Variants in PKD1L1 observed in about 807,000 individuals in gnomAD.
The protein encoded by PKD1L1 is polycystin-1-like protein 1.
In PKD1L1, 236 loss-of-function variants were observed where a neutral mutation model predicts 323.4. The ratio of observed to expected loss-of-function variants is 0.73; its 90% CI spans 0.66 to 0.81. The LOEUF (loss-of-function observed/expected upper bound fraction) is 0.81, where lower values mean the gene tolerates loss of function less well. PKD1L1 is among the 40% of genes least tolerant of loss of function. PKD1L1 has a pLI of 0.00. For synonymous variants in PKD1L1, 1,344 were observed against 1,335.0 expected, an observed-to-expected ratio of 1.01 and a Z score of -0.15; for missense variants, 3,320 against 3,508.0, an observed-to-expected ratio of 0.95 and a Z score of 1.35.
intron 23 of PKD1L1, among the ~76,000 whole-genome samples, chr7:47,874,678 C>T (rs939362408): frequency 2.6e-5 from 4 of 152,058 alleles, no homozygotes; most frequent in Non-Finnish European, 2.9e-5. Flanking sequence ...AACAAATACC[C>T]TTAACAGATA....
intron 7 of PKD1L1, among the ~76,000 whole-genome samples, chr7:47,923,864 T>C (rs959296489): frequency 6.6e-6 from 1 of 152,060 alleles, no homozygotes. Context: ...CACATGAGAT[T>C]TGGAGTTCTA....
At chr7:47,799,634 G>A (rs756210774) in intron 54 of PKD1L1, among the ~76,000 whole-genome samples, 8 of 152,148 alleles carry the variant, frequency 5.3e-5, no homozygotes, top group Non-Finnish European at 8.8e-5. Flanking sequence ...GGGGAGAATC[G>A]GTGCTGGGAG....
chr7:47,819,783 G>T, intron 46 of PKD1L1: 1 of 279,212 alleles, frequency 3.6e-6, no homozygotes, highest in Non-Finnish European at 6.9e-6. Context: ...ATCTTGCTGC[G>T]TATGAATAAC....
rs572041961 is a variant in PKD1L1 at position 47,929,042 on chromosome 7, C to T, written c.1060+162G>A. The stretch of plus-strand genomic sequence containing the variant: ...AAAACACAGTGCACAAACCCACCTA[C>T]GTCCGCAGTGTGCCACTGAGCTACT... On this transcript the variant is annotated intron_variant, in intron 7 of 56. Coordinates refer to ENST00000289672, the MANE Select transcript of PKD1L1 (RefSeq NM_138295.5). Among the ~76,000 whole-genome samples the T allele has an allele frequency of 9.2e-5, 14 of 152,270 alleles. 1 individual carries two copies. In the South Asian group the frequency reaches 2.7e-3, roughly 29 times the overall value.
At chr7:47,847,815 TAAG>T (rs1476551305) in intron 31 of PKD1L1, among the ~76,000 whole-genome samples, 1 of 152,102 alleles carries the variant, frequency 6.6e-6, no homozygotes, top group Admixed American at 6.6e-5. Flanking sequence ...AATCTGGACA[TAAG>T]AAATAAATTT....
chr7:47,801,528 A>G (rs1211105440), intron 53 of PKD1L1, among the ~76,000 whole-genome samples: 1 of 152,120 alleles, frequency 6.6e-6, no homozygotes, highest in Admixed American at 6.5e-5. Flanking sequence ...ATAGGTCCAC[A>G]TGGGGCTGTG....
chr7:47,948,212 C>T (rs1220605338), intron 1 of PKD1L1, among the ~76,000 whole-genome samples, 185 bp downstream of exon 1: 1 of 152,190 alleles, frequency 6.6e-6, no homozygotes, highest in East Asian at 1.9e-4. Flanking sequence ...GAAAAAACTC[C>T]ATTCTCAACA....
intron 27 of PKD1L1, 97 bp from the exon 28 acceptor site, chr7:47,857,929 C>A (rs755592912): frequency 7.5e-6 from 9 of 1,204,376 alleles, no homozygotes; most frequent in African/African-American, 1.5e-5. Flanking sequence ...AGTTAAAAAG[C>A]CCATCTCAAG....
At chr7:47,958,891 G>A in the PKD1L1 span, among the ~76,000 whole-genome samples, 2 of 152,082 alleles carry the variant, frequency 1.3e-5, no homozygotes, top group Non-Finnish European at 2.9e-5. Context: ...GGACTGTACT[G>A]CTGCCATCTC....
chr7:47,803,255 G>A lies in PKD1L1; in HGVS notation c.7917C>T (p.Cys2639=). The change falls in exon 53 of 57, where the codon TGC becomes TGT. Residue 2639 remains cysteine (C), a synonymous_variant. Transcript: ENST00000289672. ...LPGIQNTMAS[C]SSMMRHSLPS... The stretch of plus-strand genomic sequence containing the variant: ...GGAGTGAGTGGCGCATCATGGAGGA[G>A]CAGGATGCCATTGTGTTTTGAATGC... 6.2e-7 allele frequency: 1 copy of A among 1,614,124 alleles called. No homozygotes were observed. Among genetic ancestry groups the A allele is most frequent in the South Asian group, 1.1e-5 (1 of 91,074 alleles).
chr7:47,923,102 G>A (rs10281977), intron 7 of PKD1L1, among the ~76,000 whole-genome samples: 107,090 of 151,952 alleles, frequency 0.7, 38,781 homozygotes, highest in African/African-American at 0.88. Flanking sequence ...GCAGTGCAAG[G>A]TGTGCTTTGT....
At chr7:47,957,863 ATATAT>A in the PKD1L1 span, among the ~76,000 whole-genome samples, 2 of 133,768 alleles carry the variant, frequency 1.5e-5, no homozygotes, top group African/African-American at 5.2e-5. Context: ...TTAAAAAAAA[ATATAT>A]ATATATATAT....
intron 45 of PKD1L1, among the ~76,000 whole-genome samples, chr7:47,822,115 G>A (rs538220448): frequency 6.6e-5 from 10 of 152,162 alleles, no homozygotes; most frequent in South Asian, 2.1e-4. Context: ...ATTGATTTGC[G>A]TGTCTATCTG....
intron 15 of PKD1L1, among the ~76,000 whole-genome samples, chr7:47,893,103 AT>A (rs1786857065): frequency 6.6e-6 from 1 of 151,832 alleles, no homozygotes. Flanking sequence ...GGTGGCGCGC[AT>A]CTGTAGTCTC....
intron 14 of PKD1L1, 139 bp from the exon 15 acceptor site, chr7:47,894,198 A>C: frequency 1.4e-6 from 1 of 700,046 alleles, no homozygotes; most frequent in Non-Finnish European, 2.3e-6. Context: ...CAGTCTTGGT[A>C]GTCAAAATAA....
At chr7:47,789,576 T>C (rs1379074411) in intron 56 of PKD1L1, among the ~76,000 whole-genome samples, 2 of 152,180 alleles carry the variant, frequency 1.3e-5, no homozygotes, top group East Asian at 1.9e-4. Context: ...GTGTGTATAT[T>C]TGTGTGTGTT....
intron 3 of PKD1L1, among the ~76,000 whole-genome samples, chr7:47,937,728 T>C (rs2686824): frequency 0.81 from 122,772 of 152,044 alleles, 50,303 homozygotes; most frequent in East Asian, 1. Flanking sequence ...GGACTGGAAG[T>C]GAGATGGAGC....
intron 7 of PKD1L1, among the ~76,000 whole-genome samples, chr7:47,917,862 C>T (rs1037925178): frequency 1.3e-5 from 2 of 152,030 alleles, no homozygotes; most frequent in African/African-American, 4.8e-5. Context: ...CAAAATAGAA[C>T]CTCTTTAAAG....
chr7:47,811,868 G>T lies in PKD1L1; in HGVS notation c.7530C>A (p.Phe2510Leu). 6.2e-7 allele frequency: 1 copy of T among 1,611,086 alleles called. No individual in the cohort carries two copies. The change falls in exon 50 of 57, where the codon TTC becomes TTA. Residue 2510 changes from phenylalanine (F) to leucine (L), a missense_variant. By Grantham distance (22) the Phe-to-Leu change is conservative (BLOSUM62 0). Coordinates refer to ENST00000289672, the MANE Select transcript of PKD1L1 (RefSeq NM_138295.5). ...GGGCTGAGTCGCTGCGGAAGATGCT[G>T]AATGACTCCACCAGGGATGAGGGGA... ...SLVPSSLVES[F>L]SIFRSDSALQ...
Sources: gnomAD v4.1 joint callset for allele counts (sites outside exome capture counted in the v4.1 genomes callset) on GRCh38, gnomAD v4.1.1 for gene constraint, MANE v1.5 for transcripts, NCBI Gene and HGNC (gene_info 2026-07-23, HGNC 2026-07-21) for gene names.